OPCML: variants seen among roughly 807,000 people sequenced by gnomAD.
The protein encoded by OPCML is opioid-binding protein/cell adhesion molecule.
Under a neutral mutation model 37.8 loss-of-function variants are expected in OPCML, and 13 were observed. The ratio of observed to expected loss-of-function variants is 0.34; its 90% CI spans 0.22 to 0.55. The LOEUF is 0.55. Among genes scored for constraint, OPCML ranks in the 20% least tolerant of loss-of-function variants. The pLI, the probability that OPCML is intolerant of heterozygous loss-of-function variation, is 0.91. For synonymous variants in OPCML, 176 were observed against 168.8 expected (o/e 1.04, Z -0.33); for missense variants, 341 against 435.6 (o/e 0.78, Z 1.93).
chr11:133,340,423 G>A (rs533500807), intron 1 of OPCML, among the ~76,000 whole-genome samples: 1 of 152,276 alleles, frequency 6.6e-6, no homozygotes, highest in Admixed American at 6.5e-5. Context: ...TTCATCTACA[G>A]TCTTTCAAGC....
intron 1 of OPCML, among the ~76,000 whole-genome samples, chr11:133,082,187 C>T (rs1340672185): frequency 6.6e-6 from 1 of 151,858 alleles, no homozygotes. Flanking sequence ...CGGCTCCCCT[C>T]CAGCCTCTAG....
At chr11:132,651,514 G>A (rs928589178) in intron 3 of OPCML, among the ~76,000 whole-genome samples, 7 of 152,196 alleles carry the variant, frequency 4.6e-5, no homozygotes, top group Admixed American at 1.3e-4. Context: ...CTGCATCAGC[G>A]TTGGGTAAGT....
chr11:133,189,343 G>A (rs900930000), intron 1 of OPCML, among the ~76,000 whole-genome samples: 1 of 152,304 alleles, frequency 6.6e-6, no homozygotes, highest in East Asian at 1.9e-4. Context: ...TATTAGAGAA[G>A]CAAGGTGAAG....
chr11:133,132,663 C>G (rs533980534), intron 1 of OPCML, among the ~76,000 whole-genome samples: 2 of 152,182 alleles, frequency 1.3e-5, no homozygotes, highest in Admixed American at 1.3e-4. Context: ...CAATGGAATA[C>G]TAATCAGCAA....
chr11:133,026,511 CT>C, intron 1 of OPCML: 3 of 985,428 alleles, frequency 3.0e-6, no homozygotes, highest in Non-Finnish European at 3.6e-6. Context: ...TGCTGGCAGC[CT>C]TTTTCTCTTG....
chr11:132,670,316 A>G (rs971241924), intron 2 of OPCML, among the ~76,000 whole-genome samples: 7 of 152,160 alleles, frequency 4.6e-5, no homozygotes, highest in African/African-American at 1.7e-4. Flanking sequence ...GCAGTGCAGA[A>G]ATTACAGCCC....
chr11:133,408,671 G>A (rs1027712811), intron 1 of OPCML, among the ~76,000 whole-genome samples: 4 of 152,030 alleles, frequency 2.6e-5, no homozygotes, highest in African/African-American at 7.2e-5. Context: ...CTGGGGCCTT[G>A]TACACATGCC....
intron 1 of OPCML, among the ~76,000 whole-genome samples, chr11:133,072,845 T>C (rs1431011450): frequency 1.3e-5 from 2 of 152,234 alleles, no homozygotes; most frequent in African/African-American, 4.8e-5. Context: ...GTAGAGGCAT[T>C]GACTAAGTCT....
chr11:133,178,550 A>G lies in OPCML; in HGVS notation c.62-235540T>C, dbSNP rs147725294. On this transcript the variant is annotated intron_variant, in intron 1 of 7. Coordinates refer to ENST00000524381, the MANE Select transcript of OPCML (RefSeq NM_001012393.5). ...AAGCCTCTGGGCTCGTTGGGGAAAT[A>G]AGACATACTTCTCATCCAGCTAGAG... 1.4e-3 allele frequency among the ~76,000 whole-genome samples: 215 copies of G among 152,290 alleles called. 1 individual carries two copies. The highest frequency in any genetic ancestry group is 5.0e-3 in the African/African-American group (207 of 41,566).
chr11:133,497,982 A>G (rs576248646), intron 1 of OPCML, among the ~76,000 whole-genome samples: 1 of 152,324 alleles, frequency 6.6e-6, no homozygotes, highest in Admixed American at 6.5e-5. Context: ...AAGGCTTCCC[A>G]GGCTCCATCC....
Position 132,583,652 on chromosome 11 carries a change from T to C in OPCML, c.380-54466A>G, listed in dbSNP as rs951612385. ...ACTTTTTGAAAGAGAGTTTTGCTCT[T>C]GTTTCCCAGGCTGGAGTGTAATGGC... On this transcript the variant is annotated intron_variant, in intron 3 of 7. Transcript: ENST00000524381. Among the ~76,000 whole-genome samples, 67 of 152,184 alleles carry C rather than the reference T, an allele frequency of 4.4e-4. 1 individual carries two copies. The highest frequency in any genetic ancestry group is 1.5e-4 in the Non-Finnish European group (10 of 68,018).
intron 1 of OPCML, among the ~76,000 whole-genome samples, chr11:133,047,579 G>A (rs1948041082): frequency 6.6e-6 from 1 of 152,012 alleles, no homozygotes; most frequent in Non-Finnish European, 1.5e-5. Flanking sequence ...TGCTCCAGCT[G>A]AGGTCTCCCG....
intron 1 of OPCML, among the ~76,000 whole-genome samples, chr11:132,974,619 A>C (rs974366590): frequency 1.3e-5 from 2 of 152,196 alleles, no homozygotes; most frequent in African/African-American, 2.4e-5. Flanking sequence ...CTAGAACCAG[A>C]AATACCACTT....
At chr11:132,543,494 C>T (rs367993092) in intron 3 of OPCML, among the ~76,000 whole-genome samples, 14 of 151,584 alleles carry the variant, frequency 9.2e-5, no homozygotes, top group South Asian at 8.4e-4. Context: ...GCCTGGAGTA[C>T]GGTGTCTCCA....
intron 1 of OPCML, among the ~76,000 whole-genome samples, chr11:133,154,052 G>A (rs1950023122): frequency 6.6e-6 from 1 of 151,922 alleles, no homozygotes; most frequent in South Asian, 2.1e-4. Context: ...ATTCACCAGA[G>A]TCACCCTGCA....
intron 2 of OPCML, among the ~76,000 whole-genome samples, chr11:132,793,554 G>A (rs1041459608): frequency 6.6e-6 from 1 of 152,042 alleles, no homozygotes; most frequent in Non-Finnish European, 1.5e-5. Context: ...ACCAACTAGG[G>A]GGCCAGAGAG....
chr11:133,018,045 A>G (rs2136894216), intron 1 of OPCML, among the ~76,000 whole-genome samples: 1 of 152,334 alleles, frequency 6.6e-6, no homozygotes, highest in South Asian at 2.1e-4. Context: ...AGAGGGCTGT[A>G]CAGGCAGGCA....
At chr11:132,585,085 C>T (rs534835153) in intron 3 of OPCML, among the ~76,000 whole-genome samples, 1 of 152,092 alleles carries the variant, frequency 6.6e-6, no homozygotes, top group Non-Finnish European at 1.5e-5. Flanking sequence ...TAGGCCAAAT[C>T]TAAATTATGT....
At position 132,457,575 on chromosome 11, in the gene OPCML, C is replaced by T. The variant is rs192719774; in HGVS notation, c.506-20216G>A. On this transcript the variant is annotated intron_variant, in intron 4 of 7. Coordinates refer to ENST00000524381, the MANE Select transcript of OPCML (RefSeq NM_001012393.5). ...AACCAAACAAATACCAATATAACAG[C>T]AAACCTTAATAAGGACTGTGAAGAC... Among the ~76,000 whole-genome samples the T allele has an allele frequency of 7.9e-5, 12 of 152,298 alleles. No homozygotes were observed. In the East Asian group the frequency reaches 2.1e-3, roughly 27 times the overall value.
Sources: gnomAD v4.1 joint callset for allele counts (sites outside exome capture counted in the v4.1 genomes callset) on GRCh38, gnomAD v4.1.1 for gene constraint, MANE v1.5 for transcripts, NCBI Gene and HGNC (gene_info 2026-07-23, HGNC 2026-07-21) for gene names.